Variants in LEPR observed in about 807,000 individuals in gnomAD.
LEPR encodes the protein leptin receptor.
LEPR carries 56 observed loss-of-function variants against 114.7 expected under a neutral mutation model. That is an observed-to-expected ratio of 0.49 (90% confidence interval 0.39 to 0.61). LEPR has a LOEUF of 0.61. Among genes scored for constraint, LEPR ranks in the 20% least tolerant of loss-of-function variants. LEPR has a pLI of 0.00. For synonymous variants in LEPR, 443 were observed against 461.4 expected (o/e 0.96, Z 0.51); for missense variants, 1,202 against 1,352.9 (o/e 0.89, Z 1.75).
chr1:65,483,701 T>C (rs1250240851), intron 2 of LEPR, among the ~76,000 whole-genome samples: 3 of 152,138 alleles, frequency 2.0e-5, no homozygotes, highest in African/African-American at 7.2e-5. Context: ...TATTTCTCGA[T>C]TATTCTTTTA....
intron 2 of LEPR, among the ~76,000 whole-genome samples, chr1:65,549,620 C>T (rs1652113628): frequency 1.3e-5 from 2 of 152,204 alleles, no homozygotes; most frequent in South Asian, 2.1e-4. Context: ...CCTGAGGCTT[C>T]TGCATTCTTC....
chr1:65,455,377 A>G (rs1433230824), intron 2 of LEPR, among the ~76,000 whole-genome samples: 3 of 152,094 alleles, frequency 2.0e-5, no homozygotes, highest in African/African-American at 7.2e-5. Context: ...TAGAGTTCCC[A>G]GTTTTTCTGC....
At chr1:65,583,553 A>C (rs990088242) in intron 5 of LEPR, among the ~76,000 whole-genome samples, 11 of 152,148 alleles carry the variant, frequency 7.2e-5, no homozygotes, top group Admixed American at 7.2e-4. Flanking sequence ...GCTACACTAT[A>C]CTATTCCCCA....
At chr1:65,484,981 T>G (rs1647412729) in intron 2 of LEPR, among the ~76,000 whole-genome samples, 1 of 152,200 alleles carries the variant, frequency 6.6e-6, no homozygotes, top group South Asian at 2.1e-4. Context: ...GACAACTAAA[T>G]TCATGTTTGT....
chr1:65,453,435 C>T (rs1354753873), intron 2 of LEPR, among the ~76,000 whole-genome samples: 4 of 151,976 alleles, frequency 2.6e-5, no homozygotes, highest in Admixed American at 6.6e-5. Flanking sequence ...ACATTTCCCT[C>T]GACGCACTGC....
chr1:65,618,907 A>G (rs1657704024), intron 16 of LEPR, among the ~76,000 whole-genome samples: 2 of 152,160 alleles, frequency 1.3e-5, no homozygotes, highest in South Asian at 4.1e-4. Context: ...CCAACTTATA[A>G]TGCCACTAAC....
intron 2 of LEPR, among the ~76,000 whole-genome samples, chr1:65,551,839 A>AT (rs1239863710): frequency 6.6e-6 from 1 of 152,168 alleles, no homozygotes; most frequent in Non-Finnish European, 1.5e-5. Context: ...TCTTGTGGGC[A>AT]TTTAGTGCTA....
chr1:65,485,342 T>G (rs1268789217), intron 2 of LEPR, among the ~76,000 whole-genome samples: 1 of 152,112 alleles, frequency 6.6e-6, no homozygotes, highest in Non-Finnish European at 1.5e-5. Context: ...CTTATGTATA[T>G]TTTTTTCTTT....
At chr1:65,573,564 T>A (rs1166842835) in intron 5 of LEPR, among the ~76,000 whole-genome samples, 1 of 152,238 alleles carries the variant, frequency 6.6e-6, no homozygotes, top group Non-Finnish European at 1.5e-5. Context: ...ATTACTCTAG[T>A]GATGATATAC....
chr1:65,508,021 G>GT (rs1256835016), intron 2 of LEPR, among the ~76,000 whole-genome samples: 1 of 152,110 alleles, frequency 6.6e-6, no homozygotes, highest in African/African-American at 2.4e-5. Flanking sequence ...TTCTTTGCCA[G>GT]TTTTTTCATT....
Position 65,484,545 on chromosome 1 carries a change from T to C in LEPR, c.-21+59167T>C, listed in dbSNP as rs74597825. 9.6e-3 allele frequency among the ~76,000 whole-genome samples: 1,462 copies of C among 152,314 alleles called. 24 individuals carry two copies. Among genetic ancestry groups the C allele is most frequent in the African/African-American group, 0.033 (1,390 of 41,576 alleles). On this transcript the variant is annotated intron_variant, in intron 2 of 19. Transcript: ENST00000349533. The stretch of plus-strand genomic sequence containing the variant: ...GTACAAAGAGAGCGTCATCAGTTGT[T>C]CTTTTAACACTGAGACTTGTCAATA...
At chr1:65,539,011 T>A (rs1650978423) in intron 2 of LEPR, among the ~76,000 whole-genome samples, 1 of 151,704 alleles carries the variant, frequency 6.6e-6, no homozygotes, top group Non-Finnish European at 1.5e-5. Context: ...TGGATTTGGG[T>A]CTCTTGGATT....
At chr1:65,529,369 A>C (rs1362693719) in intron 2 of LEPR, among the ~76,000 whole-genome samples, 1 of 151,834 alleles carries the variant, frequency 6.6e-6, no homozygotes, top group Admixed American at 6.6e-5. Context: ...AAATATAAAA[A>C]AATTTATCCA....
chr1:65,506,089 A>G (rs148190338), intron 2 of LEPR, among the ~76,000 whole-genome samples: 20 of 152,306 alleles, frequency 1.3e-4, no homozygotes, highest in Non-Finnish European at 2.5e-4. Context: ...TTCATTTTCA[A>G]AACTGGAGTC....
intron 11 of LEPR, among the ~76,000 whole-genome samples, chr1:65,606,677 T>G (rs887566159): frequency 2.6e-5 from 4 of 152,088 alleles, no homozygotes; most frequent in Admixed American, 1.3e-4. Flanking sequence ...AGGATATGAT[T>G]CATATGATTC....
At chr1:65,571,654 T>TAA (rs377763359) in intron 4 of LEPR, among the ~76,000 whole-genome samples, 2,187 of 131,222 alleles carry the variant, frequency 0.017, 65 homozygotes, top group African/African-American at 0.057. Context: ...TGTCTAATGT[T>TAA]AAAAAAAAAA....
chr1:65,481,349 C>T (rs550502429), intron 2 of LEPR, among the ~76,000 whole-genome samples: 4 of 151,926 alleles, frequency 2.6e-5, no homozygotes, highest in East Asian at 1.9e-4. Flanking sequence ...AAGTGGGTTT[C>T]GGGGAAAAAA....
chr1:65,558,517 G>T (rs955432319), intron 2 of LEPR, among the ~76,000 whole-genome samples: 477 of 13,380 alleles, frequency 0.036, 17 homozygotes, highest in African/African-American at 0.086. Flanking sequence ...TTTTTTTTTT[G>T]AATCAGAAGT....
At chr1:65,629,557 G>A (rs959882285) in intron 19 of LEPR, among the ~76,000 whole-genome samples, 1 of 151,704 alleles carries the variant, frequency 6.6e-6, no homozygotes, top group African/African-American at 2.4e-5. Context: ...AAATTGTGCC[G>A]AATTTTAGTT....
Sources: gnomAD v4.1 joint callset for allele counts (sites outside exome capture counted in the v4.1 genomes callset) on GRCh38, gnomAD v4.1.1 for gene constraint, MANE v1.5 for transcripts, NCBI Gene and HGNC (gene_info 2026-07-23, HGNC 2026-07-21) for gene names.